Variants in RADIL observed in about 807,000 individuals in gnomAD.
RADIL encodes Rap associating with DIL domain.
In RADIL, 99 loss-of-function variants were observed where a neutral mutation model predicts 97.6. That is an observed-to-expected ratio of 1.01 (90% CI 0.86 to 1.20). The LOEUF is 1.20. Ranked by LOEUF, RADIL falls within the 50% of genes most tolerant of loss-of-function variation. RADIL has a pLI of 0.00. For synonymous variants in RADIL, 803 were observed against 691.8 expected (o/e 1.16, Z -2.52); for missense variants, 1,765 against 1,498.9 (o/e 1.18, Z -2.93).
chr7:4,807,366 TGA>T (rs1048672551), intron 9 of RADIL, among the ~76,000 whole-genome samples: 1 of 152,044 alleles, frequency 6.6e-6, no homozygotes, highest in Non-Finnish European at 1.5e-5. Flanking sequence ...TGTTTGATTG[TGA>T]GTTCCTAGAA....
intron 2 of RADIL, among the ~76,000 whole-genome samples, chr7:4,875,390 C>A (rs1784352812): frequency 2.0e-5 from 3 of 149,950 alleles, no homozygotes; most frequent in South Asian, 2.1e-4. Flanking sequence ...GAGACTCCAT[C>A]TCAAAAAAAA....
In RADIL at chr7:4,799,093, C is replaced by G; in HGVS notation, c.*285G>C. ...CCTGCTGCCCGAGTTGAGACCCCAG[C>G]AGGGCACCCTCTAAGAACGGGAAAA... On this transcript the variant is annotated 3_prime_UTR_variant, in exon 15 of 15. Coordinates refer to ENST00000399583, the MANE Select transcript of RADIL (RefSeq NM_018059.5). 2 of 407,876 alleles carry G rather than the reference C, an allele frequency of 4.9e-6. No homozygotes were observed. Among genetic ancestry groups the G allele is most frequent in the Non-Finnish European group, 9.1e-6 (2 of 219,136 alleles). 25.3% of individuals were successfully genotyped at this position (407,876 alleles called of 1,614,324 possible).
intron 2 of RADIL, among the ~76,000 whole-genome samples, chr7:4,847,287 C>T (rs775821653): frequency 6.6e-6 from 1 of 152,164 alleles, no homozygotes; most frequent in Non-Finnish European, 1.5e-5. Context: ...CGCCAATGCA[C>T]TGCAACTGGG....
rs544044293 is a variant in RADIL, at chr7:4,835,938, C to G, written c.783+420G>C. Among the ~76,000 whole-genome samples the G allele has an allele frequency of 6.6e-6, 1 of 152,206 alleles. No individual in the cohort carries two copies. Among genetic ancestry groups the G allele is most frequent in the South Asian group, 2.1e-4 (1 of 4,830 alleles). Reference sequence around the variant, plus strand: ...GATAGGGGTGGCATGGGCCTTTGCTCGGTGCCCCTTCAGAGAATGTGGCCA... The same window carrying G: ...GATAGGGGTGGCATGGGCCTTTGCTGGGTGCCCCTTCAGAGAATGTGGCCA... On this transcript the variant is annotated intron_variant, in intron 3 of 14. Transcript: ENST00000399583. The surrounding 1 kb of genome is among the most constrained non-coding windows in gnomAD (Gnocchi z 5.8).
At chr7:4,865,362 G>GTT (rs139591974) in intron 2 of RADIL, 174 of 576,936 alleles carry the variant, frequency 3.0e-4, no homozygotes, top group Non-Finnish European at 4.1e-4. Flanking sequence ...TTTCTGTGTG[G>GTT]TTTTTTTTTG....
Position 4,854,802 on chromosome 7 carries a change from C to T in RADIL, c.536-18197G>A, listed in dbSNP as rs1459753894. The stretch of plus-strand genomic sequence containing the variant: ...TAACTTAGACTAATAACAAAATAAA[C>T]ACCATTTCATCCACCACCCAACCTA... On this transcript the variant is annotated intron_variant, in intron 2 of 14. Coordinates refer to ENST00000399583, the MANE Select transcript of RADIL (RefSeq NM_018059.5). This position sits in a 1 kb window ranked among gnomAD's most constrained non-coding sequence, Gnocchi z 5.1. 1.3e-5 allele frequency among the ~76,000 whole-genome samples: 2 copies of T among 152,128 alleles called. No homozygotes were observed. The highest frequency in any genetic ancestry group is 4.8e-5 in the African/African-American group (2 of 41,426).
Position 4,798,184 on chromosome 7 carries a change from G to A in RADIL, c.*1194C>T, listed in dbSNP as rs897748509. On this transcript the variant is annotated 3_prime_UTR_variant, in exon 15 of 15. Transcript: ENST00000399583. ...TCCAGTATTTTGGGAACCTGGCAGT[G>A]GTCGCCGTTTCGAGCCAGGCGCAAT... The A allele has an allele frequency of 6.6e-6, 1 of 151,306 alleles. No homozygotes were observed. Among genetic ancestry groups the A allele is most frequent in the Non-Finnish European group, 1.5e-5 (1 of 67,886 alleles). 9.4% of individuals were successfully genotyped at this position (151,306 alleles called of 1,614,324 possible).
chr7:4,829,996 C>T (rs938617097), intron 5 of RADIL, among the ~76,000 whole-genome samples: 1 of 152,206 alleles, frequency 6.6e-6, no homozygotes, highest in Non-Finnish European at 1.5e-5. Flanking sequence ...GTGCTGCCAG[C>T]CACTCAGCCT....
intron 9 of RADIL, among the ~76,000 whole-genome samples, chr7:4,810,328 A>T (rs75041082): frequency 0.023 from 3,565 of 152,072 alleles, 144 homozygotes; most frequent in African/African-American, 0.081. Flanking sequence ...TAATTTAAAA[A>T]AAAATTTATG....
At position 4,830,585 on chromosome 7, in the gene RADIL, A is replaced by T. The variant is rs112957044; in HGVS notation, c.1454+1556T>A. 7.8e-4 allele frequency among the ~76,000 whole-genome samples: 119 copies of T among 152,292 alleles called. 2 individuals carry two copies. Among genetic ancestry groups the T allele is most frequent in the African/African-American group, 2.7e-3 (113 of 41,560 alleles). ...AGAGGGCCTCGTGCAGCCATAAAAAAGCACGACATCAGCCAGGCACAGTGG... is the reference window on the plus strand; with the variant it reads ...AGAGGGCCTCGTGCAGCCATAAAAATGCACGACATCAGCCAGGCACAGTGG... On this transcript the variant is annotated intron_variant, in intron 5 of 14. Transcript: ENST00000399583.
At chr7:4,828,004 G>C (rs887657808) in intron 5 of RADIL, among the ~76,000 whole-genome samples, 1 of 152,136 alleles carries the variant, frequency 6.6e-6, no homozygotes, top group African/African-American at 2.4e-5. Context: ...AATTCTCGGG[G>C]AGATGCCAAT....
intron 9 of RADIL, among the ~76,000 whole-genome samples, chr7:4,807,497 G>A (rs1782351208): frequency 1.5e-5 from 2 of 135,182 alleles, no homozygotes; most frequent in Admixed American, 7.2e-5. Context: ...CCCTCTGTCT[G>A]TCTCCTCTCC....
At chr7:4,841,241 AG>A (rs111730197) in intron 2 of RADIL, among the ~76,000 whole-genome samples, 4,072 of 152,298 alleles carry the variant, frequency 0.027, 163 homozygotes, top group African/African-American at 0.093. Flanking sequence ...GTCTTCTTCA[AG>A]GACCCCTGGG....
intron 2 of RADIL, among the ~76,000 whole-genome samples, chr7:4,856,231 C>CAGG (rs1047340439): frequency 1.3e-5 from 2 of 151,970 alleles, no homozygotes; most frequent in African/African-American, 4.8e-5. Flanking sequence ...CTGGGACTGA[C>CAGG]AGGTACATGC....
intron 5 of RADIL, 34 bp downstream of exon 5, chr7:4,832,107 C>A (rs1157442220): frequency 1.2e-6 from 2 of 1,608,144 alleles, no homozygotes; most frequent in South Asian, 2.2e-5. Context: ...GACCTGCTGC[C>A]CAGAGGCGGG....
intron 10 of RADIL, 121 bp downstream of exon 10, chr7:4,805,445 G>T: frequency 8.0e-7 from 1 of 1,245,628 alleles, no homozygotes; most frequent in Non-Finnish European, 1.1e-6. Flanking sequence ...CTCCAGGGAG[G>T]TCCCCAGGAG....
At chr7:4,848,835 G>C (rs767008798) in intron 2 of RADIL, among the ~76,000 whole-genome samples, 21 of 152,080 alleles carry the variant, frequency 1.4e-4, no homozygotes, top group Non-Finnish European at 2.5e-4. Context: ...AGTAGGATAC[G>C]TTTGTTAAAG....
At chr7:4,882,774 G>GC (rs969234843) in intron 1 of RADIL, among the ~76,000 whole-genome samples, 11 of 152,300 alleles carry the variant, frequency 7.2e-5, no homozygotes, top group African/African-American at 2.6e-4. Flanking sequence ...AGACCGACTT[G>GC]CCCCCCAGCA....
At chr7:4,810,730 C>T (rs1782519732) in intron 9 of RADIL, among the ~76,000 whole-genome samples, 3 of 152,216 alleles carry the variant, frequency 2.0e-5, no homozygotes, top group Admixed American at 1.3e-4. Flanking sequence ...TCCAAAGTGG[C>T]GAGCCTCATT....
Sources: gnomAD v4.1 joint callset for allele counts (sites outside exome capture counted in the v4.1 genomes callset) on GRCh38, gnomAD v4.1.1 for gene constraint, Gnocchi (gnomAD v3.1) non-coding constraint, MANE v1.5 for transcripts, NCBI Gene and HGNC (gene_info 2026-07-23, HGNC 2026-07-21) for gene names.